Variants in SNTB1 observed in about 807,000 individuals in gnomAD.
SNTB1 encodes the protein beta-1-syntrophin.
Under a neutral mutation model 48.9 loss-of-function variants are expected in SNTB1, and 36 were observed. The observed-to-expected ratio is 0.74, with a 90% CI of 0.56 to 0.97. The LOEUF (loss-of-function observed/expected upper bound fraction) is 0.97, where lower values mean the gene tolerates loss of function less well. Ranked by LOEUF, SNTB1 falls within the 50% of genes least tolerant of loss-of-function variation. The pLI is 0.00. For synonymous variants in SNTB1, 299 were observed against 294.6 expected, an observed-to-expected ratio of 1.01 and a Z score of -0.15; for missense variants, 786 against 703.4, an observed-to-expected ratio of 1.12 and a Z score of -1.33.
chr8:120,740,421 A>G (rs888550672), intron 1 of SNTB1, among the ~76,000 whole-genome samples: 4 of 152,244 alleles, frequency 2.6e-5, no homozygotes, highest in Non-Finnish European at 4.4e-5. Flanking sequence ...ATATTTACGG[A>G]GCATTTCCAT....
intron 1 of SNTB1, among the ~76,000 whole-genome samples, chr8:120,741,498 A>G (rs2130005799): frequency 6.6e-6 from 1 of 152,242 alleles, no homozygotes; most frequent in Non-Finnish European, 1.5e-5. Context: ...AGTCCCAGCT[A>G]CTCGGGTGGT....
intron 6 of SNTB1, among the ~76,000 whole-genome samples, chr8:120,540,178 G>C (rs1365388533): frequency 6.6e-6 from 1 of 152,184 alleles, no homozygotes; most frequent in Admixed American, 6.5e-5. Flanking sequence ...TGCAGACTCA[G>C]AAAGAGAACC....
chr8:120,629,687 C>A lies in SNTB1; in HGVS notation c.996+2757G>T, dbSNP rs867479710. Among the ~76,000 whole-genome samples, 14 of 152,278 alleles carry A rather than the reference C, an allele frequency of 9.2e-5. 1 individual carries two copies. In the South Asian group the frequency reaches 2.5e-3, roughly 27 times the overall value. On this transcript the variant is annotated intron_variant, in intron 3 of 6. Transcript: ENST00000517992. ...AAAAAAATCTAGTTTGGATTTGTTC[C>A]CTTAAACTTGATCTATGGTAATCTT... is the stretch of plus-strand genomic sequence containing the variant.
At chr8:120,654,327 A>T (rs1817463170) in intron 2 of SNTB1, among the ~76,000 whole-genome samples, 1 of 152,082 alleles carries the variant, frequency 6.6e-6, no homozygotes, top group Non-Finnish European at 1.5e-5. Context: ...AGCAGCAATA[A>T]AGTCAGGATG....
intron 1 of SNTB1, among the ~76,000 whole-genome samples, chr8:120,727,001 A>C (rs1182742772): frequency 6.6e-6 from 1 of 152,172 alleles, no homozygotes; most frequent in Non-Finnish European, 1.5e-5. Flanking sequence ...ATTATGCTGC[A>C]GGAATTATAG....
At chr8:120,754,408 AG>A (rs1195289627) in intron 1 of SNTB1, among the ~76,000 whole-genome samples, 2 of 152,038 alleles carry the variant, frequency 1.3e-5, no homozygotes, top group African/African-American at 4.8e-5. Context: ...CTGAGGTAGG[AG>A]AATTGCTTGA....
At chr8:120,700,156 C>CCT (rs1554654318) in intron 1 of SNTB1, among the ~76,000 whole-genome samples, 2 of 149,182 alleles carry the variant, frequency 1.3e-5, no homozygotes, top group African/African-American at 4.9e-5. Flanking sequence ...AAAAAAATTG[C>CCT]GTGTGTGTGT....
chr8:120,584,125 AC>A (rs1816095594), intron 3 of SNTB1, among the ~76,000 whole-genome samples: 1 of 151,678 alleles, frequency 6.6e-6, no homozygotes, highest in Non-Finnish European at 1.5e-5. Flanking sequence ...GGCCAACATG[AC>A]AAAACGCTAT....
chr8:120,719,396 C>T (rs955055780), intron 1 of SNTB1, among the ~76,000 whole-genome samples: 1 of 152,282 alleles, frequency 6.6e-6, no homozygotes, highest in Non-Finnish European at 1.5e-5. Context: ...CTTCCTTGCT[C>T]CTCATCTTGC....
chr8:120,741,815 G>C (rs1003226541), intron 1 of SNTB1, among the ~76,000 whole-genome samples: 1 of 152,066 alleles, frequency 6.6e-6, no homozygotes, highest in African/African-American at 2.4e-5. Flanking sequence ...CATTTTTAAA[G>C]GTTGTAAAAA....
intron 3 of SNTB1, among the ~76,000 whole-genome samples, chr8:120,631,294 G>C (rs1468020884): frequency 6.6e-6 from 1 of 152,154 alleles, no homozygotes; most frequent in African/African-American, 2.4e-5. Flanking sequence ...TGTTTATTAT[G>C]AATTTGGATG....
intron 1 of SNTB1, among the ~76,000 whole-genome samples, chr8:120,706,795 A>G (rs1818384153): frequency 6.6e-6 from 1 of 152,170 alleles, no homozygotes; most frequent in Non-Finnish European, 1.5e-5. Context: ...TAGCTTCATA[A>G]TAACATCCTG....
intron 1 of SNTB1, among the ~76,000 whole-genome samples, chr8:120,738,135 C>T (rs951282897): frequency 2.0e-5 from 3 of 152,094 alleles, no homozygotes; most frequent in African/African-American, 7.2e-5. Context: ...AGTGCTTCCC[C>T]CTTCTACTAT....
chr8:120,572,860 C>G (rs11775515), intron 4 of SNTB1, among the ~76,000 whole-genome samples: 133,091 of 152,194 alleles, frequency 0.87, 58,560 homozygotes, highest in Middle Eastern at 0.94. Flanking sequence ...GGTTGCAGTG[C>G]GCCAAGATAG....
intron 1 of SNTB1, among the ~76,000 whole-genome samples, chr8:120,780,564 T>C (rs998926720): frequency 4.6e-5 from 7 of 152,248 alleles, no homozygotes; most frequent in Non-Finnish European, 1.0e-4. Context: ...CTTTATAGCA[T>C]TTCCAGAAAA....
At chr8:120,715,392 G>T (rs1234558005) in intron 1 of SNTB1, among the ~76,000 whole-genome samples, 1 of 152,100 alleles carries the variant, frequency 6.6e-6, no homozygotes, top group East Asian at 1.9e-4. Flanking sequence ...AGGTTTCTTG[G>T]TTCTCATCAA....
chr8:120,568,290 T>C (rs926573687), intron 4 of SNTB1, among the ~76,000 whole-genome samples: 2 of 152,158 alleles, frequency 1.3e-5, no homozygotes, highest in African/African-American at 2.4e-5. Context: ...CTGCAATTCA[T>C]TGGGAAGCTC....
chr8:120,696,088 C>T (rs1337250396), intron 1 of SNTB1, among the ~76,000 whole-genome samples: 1 of 152,158 alleles, frequency 6.6e-6, no homozygotes, highest in Non-Finnish European at 1.5e-5. Flanking sequence ...TCTGTGAAAC[C>T]ATTTTAGTAG....
intron 1 of SNTB1, among the ~76,000 whole-genome samples, chr8:120,789,730 G>T (rs1587164464): frequency 6.6e-6 from 1 of 152,046 alleles, no homozygotes; most frequent in East Asian, 1.9e-4. Flanking sequence ...CAATGAGATT[G>T]ACTCAGTAAT....
Sources: gnomAD v4.1 joint callset for allele counts (sites outside exome capture counted in the v4.1 genomes callset) on GRCh38, gnomAD v4.1.1 for gene constraint, MANE v1.5 for transcripts, NCBI Gene and HGNC (gene_info 2026-07-23, HGNC 2026-07-21) for gene names.